SMARCAL1: variants seen among roughly 807,000 people sequenced by gnomAD.
SMARCAL1 encodes SNF2 related chromatin remodeling annealing helicase 1.
SMARCAL1 carries 58 observed loss-of-function variants against 94.5 expected under a neutral mutation model. The observed-to-expected ratio is 0.61, with a 90% CI of 0.50 to 0.76. The LOEUF (loss-of-function observed/expected upper bound fraction) is 0.76, where lower values mean the gene tolerates loss of function less well. Ranked by LOEUF, SMARCAL1 falls within the 30% of genes least tolerant of loss-of-function variation. The pLI is 0.00. For missense variants in SMARCAL1, 1,051 were observed against 1,177.9 expected, an observed-to-expected ratio of 0.89 and a Z score of 1.58; for synonymous variants, 422 against 455.1, an observed-to-expected ratio of 0.93 and a Z score of 0.93.
rs867971224 is a variant in SMARCAL1, at chr2:216,478,309, G to A, written c.2625+10G>A. ...TGATTACCTCTACAAGGTAATGCCA[G>A]CACATGGCTCTTCACCCCTGGAGCA... On this transcript the variant is annotated intron_variant, in intron 17 of 17. Transcript: ENST00000357276. The A allele has an allele frequency of 1.3e-6, 2 of 1,597,646 alleles. No individual in the cohort carries two copies. Among genetic ancestry groups the A allele is most frequent in the African/African-American group, 2.7e-5 (2 of 74,572 alleles).
At chr2:216,424,973 C>T (rs1693800193) in intron 6 of SMARCAL1, among the ~76,000 whole-genome samples, 1 of 152,126 alleles carries the variant, frequency 6.6e-6, no homozygotes, top group South Asian at 2.1e-4. Flanking sequence ...GGCTGGAGTG[C>T]AGTGGCATGA....
intron 4 of SMARCAL1, 143 bp downstream of exon 4, chr2:216,416,450 C>T (rs1051123760): frequency 1.3e-6 from 1 of 742,872 alleles, no homozygotes; most frequent in Non-Finnish European, 2.4e-6. Context: ...CTCCTTCCCA[C>T]TCTGTCTAGC....
intron 12 of SMARCAL1, among the ~76,000 whole-genome samples, chr2:216,462,283 T>C (rs1435308563): frequency 6.6e-6 from 1 of 152,126 alleles, no homozygotes; most frequent in African/African-American, 2.4e-5. Context: ...TGAGTGTAGG[T>C]GGGAGGGGTA....
Position 216,435,329 on chromosome 2 carries a change from C to A in SMARCAL1, c.1486-9C>A. The stretch of plus-strand genomic sequence containing the variant: ...TCATTGTAGCTTTGTTCCCTCCTGT[C>A]ATCCACAGGCCTTCCTTCGGTGGCT... On this transcript the variant is annotated splice_polypyrimidine_tract_variant and intron_variant, in intron 8 of 17. Transcript: ENST00000357276. 1 of 1,614,038 alleles carries A rather than the reference C, an allele frequency of 6.2e-7. No homozygotes were observed. Among genetic ancestry groups the A allele is most frequent in the South Asian group, 1.1e-5 (1 of 91,064 alleles).
chr2:216,422,408 C>T (rs1693744407), intron 5 of SMARCAL1, among the ~76,000 whole-genome samples: 1 of 152,092 alleles, frequency 6.6e-6, no homozygotes, highest in Non-Finnish European at 1.5e-5. Context: ...TGTCTATCAC[C>T]AGCCTGTGAG....
At chr2:216,466,393 G>A (rs1228464369) in intron 13 of SMARCAL1, among the ~76,000 whole-genome samples, 1 of 152,098 alleles carries the variant, frequency 6.6e-6, no homozygotes, top group African/African-American at 2.4e-5. Context: ...AAGTCACACT[G>A]GCTCCATTTT....
At chr2:216,421,226 T>A (rs1178287565) in intron 5 of SMARCAL1, among the ~76,000 whole-genome samples, 1 of 152,178 alleles carries the variant, frequency 6.6e-6, no homozygotes, top group Non-Finnish European at 1.5e-5. Flanking sequence ...TTGGTTTTTT[T>A]AATCTTCCGA....
At position 216,416,249 on chromosome 2, in the gene SMARCAL1, T is replaced by A; in HGVS notation, c.812-8T>A. 6.2e-7 allele frequency: 1 copy of A among 1,613,232 alleles called. No homozygotes were observed. The highest frequency in any genetic ancestry group is 8.5e-7 in the Non-Finnish European group (1 of 1,179,238). On this transcript the variant is annotated splice_region_variant and splice_polypyrimidine_tract_variant and intron_variant, in intron 3 of 17. Transcript: ENST00000357276. ...GTCAACAGTCATCAGTCCTCTGTTT[T>A]GTTTCAGATCCTGACACCAAGACGT...
intron 13 of SMARCAL1, 29 bp downstream of exon 13, chr2:216,464,696 T>A: frequency 1.5e-6 from 2 of 1,369,338 alleles, no homozygotes; most frequent in East Asian, 2.3e-5. Flanking sequence ...TCGACCTCTC[T>A]CTCTCTCATC....
At chr2:216,442,455 G>T (rs549887000) in intron 10 of SMARCAL1, among the ~76,000 whole-genome samples, 39 of 151,614 alleles carry the variant, frequency 2.6e-4, no homozygotes, top group African/African-American at 8.5e-4. Flanking sequence ...AATACAAAAG[G>T]ATGGACAGTG....
chr2:216,430,087 G>A (rs894971398), intron 7 of SMARCAL1, among the ~76,000 whole-genome samples: 2 of 152,196 alleles, frequency 1.3e-5, no homozygotes. Context: ...CGTGTTGGGT[G>A]CTGGTTTTAC....
In SMARCAL1 at chr2:216,482,959, C is replaced by G; in HGVS notation, c.2847C>G (p.Ser949Arg). Residue 949 changes from serine (S) to arginine (R), a missense_variant, in exon 18 of 18, where the codon AGC (serine) becomes AGG (arginine). This residue lies in a region of SMARCAL1 where 642 missense variants were observed against 754.7 expected (regional missense o/e 0.85). Transcript: ENST00000357276. This position sits in a 1 kb window ranked among gnomAD's most constrained non-coding sequence, Gnocchi z 4.3. ...RRFEFFDNWDSFTSPL is the reference protein window; with the variant it reads ...RRFEFFDNWDRFTSPL ...TTGAATTTTTTGATAACTGGGACAG[C>G]TTTACGTCTCCCCTGTAAAAGGGGC... 6.2e-7 allele frequency: 1 copy of G among 1,614,044 alleles called. No individual in the cohort carries two copies. Among genetic ancestry groups the G allele is most frequent in the South Asian group, 1.1e-5 (1 of 91,058 alleles).
chr2:216,441,481 A>G (rs1413459113), intron 10 of SMARCAL1, among the ~76,000 whole-genome samples: 2 of 152,160 alleles, frequency 1.3e-5, no homozygotes, highest in Non-Finnish European at 2.9e-5. Flanking sequence ...TTAACAGCTT[A>G]TTTTTCCAGC....
At chr2:216,413,481 C>T (rs977434346) in intron 1 of SMARCAL1, among the ~76,000 whole-genome samples, 2 of 152,104 alleles carry the variant, frequency 1.3e-5, no homozygotes, top group Non-Finnish European at 2.9e-5. Context: ...ATTCTTATAT[C>T]TCCTAAATAT....
intron 14 of SMARCAL1, among the ~76,000 whole-genome samples, chr2:216,473,836 T>G (rs1034045910): frequency 6.6e-6 from 1 of 152,194 alleles, no homozygotes; most frequent in Non-Finnish European, 1.5e-5. Flanking sequence ...AATTGACTTT[T>G]GAGCATTTTT....
intron 3 of SMARCAL1, among the ~76,000 whole-genome samples, chr2:216,415,766 C>T (rs981911694): frequency 6.6e-6 from 1 of 152,218 alleles, no homozygotes; most frequent in African/African-American, 2.4e-5. Context: ...CTTCCTCTGC[C>T]AGGTGCTTTA....
intron 12 of SMARCAL1, among the ~76,000 whole-genome samples, chr2:216,463,827 G>A (rs1056009713): frequency 6.6e-6 from 1 of 152,184 alleles, no homozygotes; most frequent in African/African-American, 2.4e-5. Context: ...TGGAACACCG[G>A]AGGTCAGAAG....
intron 9 of SMARCAL1, among the ~76,000 whole-genome samples, chr2:216,436,414 G>A (rs891309164): frequency 6.6e-6 from 1 of 152,214 alleles, no homozygotes; most frequent in East Asian, 1.9e-4. Flanking sequence ...ATCTCTGTCA[G>A]TACTGAGTAT....
chr2:216,416,452 C>A, intron 4 of SMARCAL1, 145 bp downstream of exon 4: 1 of 734,658 alleles, frequency 1.4e-6, no homozygotes, highest in Non-Finnish European at 2.5e-6. Context: ...CCTTCCCACT[C>A]TGTCTAGCCT....
Sources: allele counts gnomAD v4.1 joint callset (sites outside exome capture counted in the v4.1 genomes callset), GRCh38; gene constraint gnomAD v4.1.1; regional missense constraint gnomAD v4.1.1; non-coding constraint Gnocchi (gnomAD v3.1); transcripts MANE v1.5; gene names NCBI Gene and HGNC (gene_info 2026-07-23, HGNC 2026-07-21).